Variants in SPIN1 observed in about 807,000 individuals in gnomAD.
SPIN1 encodes spindlin 1.
A neutral mutation model predicts 26.0 loss-of-function variants in SPIN1; 3 were observed. That is an observed-to-expected ratio of 0.12 (90% CI 0.05 to 0.30). SPIN1 has a LOEUF of 0.30. Among genes scored for constraint, SPIN1 ranks in the 10% least tolerant of loss-of-function variants. The pLI is 1.00. For missense variants in SPIN1, 126 were observed against 333.4 expected (o/e 0.38, Z 4.84); for synonymous variants, 101 against 116.5 (o/e 0.87, Z 0.86).
Position 88,477,356 on chromosome 9 carries a change from G to C in SPIN1, c.*2079G>C, listed in dbSNP as rs925007648. The C allele has an allele frequency of 1.3e-5, 2 of 152,216 alleles. No individual in the cohort carries two copies. Among genetic ancestry groups the C allele is most frequent in the Admixed American group, 1.3e-4 (2 of 15,284 alleles). 9.4% of individuals were successfully genotyped at this position (152,216 alleles called of 1,614,324 possible). ...AAGTATCTTGAGGGTTGGGTCAATTGAGACATTTCTAGCATTACTTAATGA... is the reference window on the plus strand; with the variant it reads ...AAGTATCTTGAGGGTTGGGTCAATTCAGACATTTCTAGCATTACTTAATGA... On this transcript the variant is annotated 3_prime_UTR_variant, in exon 6 of 6. Coordinates refer to ENST00000375859, the MANE Select transcript of SPIN1 (RefSeq NM_006717.3).
rs565721216 is a variant in SPIN1 at position 88,398,776 on chromosome 9, G to A, written c.-159+10238G>A. 4.9e-4 allele frequency among the ~76,000 whole-genome samples: 74 copies of A among 151,974 alleles called. 2 individuals carry two copies. Among genetic ancestry groups the A allele is most frequent in the African/African-American group, 1.6e-3 (67 of 41,482 alleles). ...TTTCAGTAGAAACGGGTTTCTCCAT[G>A]TTGGTCAGGCTGGTCTTGAACTCCC... is the stretch of plus-strand genomic sequence containing the variant. On this transcript the variant is annotated intron_variant, in intron 1 of 5. Coordinates refer to ENST00000375859, the MANE Select transcript of SPIN1 (RefSeq NM_006717.3).
At chr9:88,414,102 G>T (rs1336209022) in intron 1 of SPIN1, among the ~76,000 whole-genome samples, 1 of 152,100 alleles carries the variant, frequency 6.6e-6, no homozygotes, top group Admixed American at 6.5e-5. Flanking sequence ...GAAGGTCTCA[G>T]ATATGAAGTG....
At chr9:88,398,935 T>G (rs1827127124) in intron 1 of SPIN1, among the ~76,000 whole-genome samples, 1 of 151,490 alleles carries the variant, frequency 6.6e-6, no homozygotes, top group Non-Finnish European at 1.5e-5. Flanking sequence ...ACCCCTAGGA[T>G]GGATAAAGGA....
intron 1 of SPIN1, among the ~76,000 whole-genome samples, chr9:88,399,898 C>T (rs1055155386): frequency 6.6e-6 from 1 of 152,168 alleles, no homozygotes; most frequent in Non-Finnish European, 1.5e-5. Flanking sequence ...TCTAAAAATG[C>T]AAATGTAATT....
intron 2 of SPIN1, among the ~76,000 whole-genome samples, chr9:88,428,356 G>C (rs749933228): frequency 6.6e-6 from 1 of 152,026 alleles, no homozygotes; most frequent in Admixed American, 6.6e-5. Context: ...TAGAGTCCCC[G>C]GTGTTGATAG....
At chr9:88,421,147 A>G (rs969966444) in intron 1 of SPIN1, among the ~76,000 whole-genome samples, 1 of 152,194 alleles carries the variant, frequency 6.6e-6, no homozygotes, top group Non-Finnish European at 1.5e-5. Context: ...TTGTGAGTCT[A>G]CCTCTTTAAG....
chr9:88,420,919 C>G (rs1194351460), intron 1 of SPIN1, among the ~76,000 whole-genome samples: 1 of 152,190 alleles, frequency 6.6e-6, no homozygotes, highest in Non-Finnish European at 1.5e-5. Flanking sequence ...TTTCTGCTTT[C>G]TTCAGGCCTG....
At chr9:88,438,150 CAA>C (rs201459647) in intron 2 of SPIN1, among the ~76,000 whole-genome samples, 22 of 124,462 alleles carry the variant, frequency 1.8e-4, no homozygotes, top group South Asian at 2.6e-4. Flanking sequence ...GACCCTGTCT[CAA>C]AAAAAAAAAA....
chr9:88,466,663 T>C (rs1828675361), intron 4 of SPIN1, among the ~76,000 whole-genome samples: 1 of 152,252 alleles, frequency 6.6e-6, no homozygotes, highest in African/African-American at 2.4e-5. Flanking sequence ...AATCTCACTT[T>C]TTTGTTTCTT....
chr9:88,470,859 G>C (rs1253974152), intron 5 of SPIN1, among the ~76,000 whole-genome samples: 2 of 152,154 alleles, frequency 1.3e-5, no homozygotes, highest in Non-Finnish European at 2.9e-5. Context: ...CTCCCAAAGG[G>C]CCGGGATTAC....
intron 1 of SPIN1, among the ~76,000 whole-genome samples, chr9:88,407,992 C>T (rs1456167777): frequency 6.6e-6 from 1 of 151,962 alleles, no homozygotes; most frequent in East Asian, 1.9e-4. Context: ...GTCTTGAACT[C>T]CTGGGCTCAA....
At chr9:88,390,163 A>G (rs547909473) in intron 1 of SPIN1, among the ~76,000 whole-genome samples, 3 of 152,330 alleles carry the variant, frequency 2.0e-5, no homozygotes, top group Admixed American at 1.3e-4. Context: ...AAGGGCCACT[A>G]TATGTCTTCA....
chr9:88,456,420 T>A (rs1828473556), intron 3 of SPIN1, among the ~76,000 whole-genome samples: 1 of 152,122 alleles, frequency 6.6e-6, no homozygotes, highest in South Asian at 2.1e-4. Flanking sequence ...TAAACTAGAT[T>A]TAGAATACTG....
At chr9:88,414,202 A>G (rs555603484) in intron 1 of SPIN1, among the ~76,000 whole-genome samples, 447 of 152,288 alleles carry the variant, frequency 2.9e-3, no homozygotes, top group African/African-American at 0.01. Flanking sequence ...TAACTACATC[A>G]GCATGATCCA....
At chr9:88,391,035 C>G (rs1826910997) in intron 1 of SPIN1, among the ~76,000 whole-genome samples, 2 of 152,046 alleles carry the variant, frequency 1.3e-5, no homozygotes, top group East Asian at 3.8e-4. Flanking sequence ...TATTCTTGCC[C>G]CACAAGTTGC....
At chr9:88,407,313 T>G (rs552144661) in intron 1 of SPIN1, among the ~76,000 whole-genome samples, 17 of 151,906 alleles carry the variant, frequency 1.1e-4, no homozygotes, top group Admixed American at 5.9e-4. Context: ...GCTAATTTTT[T>G]TTGTTATTTT....
rs745317937 is a variant in SPIN1 at position 88,406,005 on chromosome 9, C to CTGTGTGTGTG, written c.-159+17495_-159+17504dup. ...ATGCCACCGTGCCTGGCTTGTGTGT[C>CTGTGTGTGTG]TGTGTGTGTGTGTGTGTGTGTGTGT... On this transcript the variant is annotated intron_variant, in intron 1 of 5. Coordinates refer to ENST00000375859, the MANE Select transcript of SPIN1 (RefSeq NM_006717.3). 2.2e-3 allele frequency among the ~76,000 whole-genome samples: 225 copies of CTGTGTGTGTG among 103,358 alleles called. 1 individual carries two copies. The highest frequency in any genetic ancestry group is 8.2e-3 in the South Asian group (29 of 3,518). 67.8% of individuals were successfully genotyped at this position (103,358 alleles called of 152,430 possible).
rs570098635 is a variant in SPIN1, at chr9:88,421,903, C to T, written c.-158-4479C>T. On this transcript the variant is annotated intron_variant, in intron 1 of 5. Transcript: ENST00000375859. ...ATATATTTTATATTGCCACATTTCA[C>T]CTGGAGGTAAAACATTTTTGACGAG... Among the ~76,000 whole-genome samples the T allele has an allele frequency of 2.6e-5, 4 of 151,984 alleles. No individual in the cohort carries two copies. The South Asian group carries it at 8.3e-4, about 32-fold the overall frequency.
chr9:88,445,495 A>AT (rs538083598), intron 2 of SPIN1, among the ~76,000 whole-genome samples: 30 of 147,852 alleles, frequency 2.0e-4, no homozygotes, highest in Non-Finnish European at 3.9e-4. Flanking sequence ...TTGATTTCAG[A>AT]TTTTCTTAAA....
Sources: allele counts gnomAD v4.1 joint callset (sites outside exome capture counted in the v4.1 genomes callset), GRCh38; gene constraint gnomAD v4.1.1; transcripts MANE v1.5; gene names NCBI Gene and HGNC (gene_info 2026-07-23, HGNC 2026-07-21).